TCF12: variants seen among roughly 807,000 people sequenced by gnomAD.
The protein encoded by TCF12 is DNA-binding protein HTF4.
In TCF12, 45 loss-of-function variants were observed where a neutral mutation model predicts 86.0. The observed-to-expected ratio is 0.52, with a 90% confidence interval of 0.41 to 0.67. The LOEUF (loss-of-function observed/expected upper bound fraction) is 0.67. TCF12 is among the 30% of genes least tolerant of loss of function. The probability of loss-of-function intolerance (pLI) is 0.00; values close to 1 mark genes in which losing one functional copy is unlikely to be tolerated. For missense variants in TCF12, 881 were observed against 859.9 expected, an observed-to-expected ratio of 1.02 and a Z score of -0.31; for synonymous variants, 330 against 299.6, an observed-to-expected ratio of 1.10 and a Z score of -1.05.
chr15:57,283,408 G>C (rs2061786536), intron 20 of TCF12, among the ~76,000 whole-genome samples: 1 of 151,994 alleles, frequency 6.6e-6, no homozygotes, highest in African/African-American at 2.4e-5. Context: ...GGGATTACAG[G>C]TGTGCACCAC....
intron 5 of TCF12, among the ~76,000 whole-genome samples, chr15:57,139,145 C>T (rs573133505): frequency 6.6e-6 from 1 of 151,972 alleles, no homozygotes; most frequent in South Asian, 2.1e-4. Flanking sequence ...TTTCTCTCTC[C>T]CTTCTCACCT....
chr15:57,052,274 T>C (rs2067683625), intron 3 of TCF12, among the ~76,000 whole-genome samples: 1 of 152,224 alleles, frequency 6.6e-6, no homozygotes, highest in Non-Finnish European at 1.5e-5. Context: ...TCATCAGTTG[T>C]ATCTTTTATG....
chr15:57,045,519 A>AT (rs375572875), intron 3 of TCF12, among the ~76,000 whole-genome samples: 4 of 150,994 alleles, frequency 2.6e-5, no homozygotes, highest in Non-Finnish European at 4.4e-5. Context: ...CATGTTGAGG[A>AT]TTTTTTTTTA....
Position 56,984,001 on chromosome 15 carries a change from C to CAAAAAAAAAAAAAAAAAAAAAAAAAA in TCF12, c.148+62918_148+62919insAAAAAAAAAAAAAAAAAAAAAAAAAA. 3.5e-4 allele frequency among the ~76,000 whole-genome samples: 15 copies of CAAAAAAAAAAAAAAAAAAAAAAAAAA among 43,044 alleles called. 1 individual carries two copies. The highest frequency in any genetic ancestry group is 1.2e-3 in the African/African-American group (12 of 10,358). The allele number at this position is 43,044 out of a possible 152,430, so 28.2% of individuals were successfully genotyped here. ...TAGGCAACTGAGTGAGACCCTGTCT[C>CAAAAAAAAAAAAAAAAAAAAAAAAAA]AAAAAAAAAAAAAAAGAAGAAGAAG... On this transcript the variant is annotated intron_variant, in intron 3 of 20. Transcript: ENST00000333725.
intron 4 of TCF12, among the ~76,000 whole-genome samples, chr15:57,075,834 CTTTT>C (rs2069930058): frequency 1.0e-4 from 5 of 48,898 alleles, no homozygotes; most frequent in Middle Eastern, 0.015. Context: ...CTCTCTCTCT[CTTTT>C]CTTTCTTTCT....
chr15:57,233,588 C>G (rs2059259578), intron 11 of TCF12, among the ~76,000 whole-genome samples: 1 of 152,256 alleles, frequency 6.6e-6, no homozygotes, highest in Admixed American at 6.5e-5. Flanking sequence ...GGTGATACCC[C>G]AGCTTCAGCT....
At chr15:57,164,688 G>C (rs1234666120) in intron 5 of TCF12, among the ~76,000 whole-genome samples, 1 of 151,486 alleles carries the variant, frequency 6.6e-6, no homozygotes, top group African/African-American at 2.4e-5. Flanking sequence ...TTTCTTTTTT[G>C]TTTTTTGTTT....
intron 5 of TCF12, among the ~76,000 whole-genome samples, chr15:57,134,006 C>T (rs1372940833): frequency 6.6e-6 from 1 of 152,156 alleles, no homozygotes; most frequent in African/African-American, 2.4e-5. Context: ...TATCAGAGTA[C>T]TGATGTATTT....
intron 4 of TCF12, among the ~76,000 whole-genome samples, chr15:57,070,547 T>G (rs1391996675): frequency 1.3e-5 from 2 of 152,194 alleles, no homozygotes; most frequent in East Asian, 3.8e-4. Context: ...AATCAGCCTA[T>G]AAGATTATCT....
At chr15:57,176,355 A>G (rs1381011015) in intron 6 of TCF12, among the ~76,000 whole-genome samples, 1 of 152,208 alleles carries the variant, frequency 6.6e-6, no homozygotes, top group Non-Finnish European at 1.5e-5. Context: ...ATGTGCTTCA[A>G]CTTTTATTCT....
At chr15:57,263,381 TTG>T (rs1250373661) in intron 18 of TCF12, 107 bp downstream of exon 18, 1 of 1,184,804 alleles carries the variant, frequency 8.4e-7, no homozygotes, top group Non-Finnish European at 1.2e-6. Context: ...GTTCTAGATA[TTG>T]TGTTAGGATT....
chr15:57,069,747 A>G (rs956383171), intron 4 of TCF12, among the ~76,000 whole-genome samples: 3 of 152,180 alleles, frequency 2.0e-5, no homozygotes, highest in Non-Finnish European at 4.4e-5. Context: ...AGTACTTCCC[A>G]ACTCAAAGAA....
chr15:57,007,977 C>T (rs954036606), intron 3 of TCF12, among the ~76,000 whole-genome samples: 7 of 147,778 alleles, frequency 4.7e-5, no homozygotes, highest in African/African-American at 1.5e-4. Context: ...CTCTCTCTCT[C>T]GCTCTCTCTC....
At chr15:57,013,398 C>T (rs1329027721) in intron 3 of TCF12, among the ~76,000 whole-genome samples, 4 of 152,212 alleles carry the variant, frequency 2.6e-5, no homozygotes, top group Non-Finnish European at 5.9e-5. Flanking sequence ...GCAACCTCCA[C>T]TTCCCAGGTT....
At chr15:57,215,419 C>T (rs12904501) in intron 8 of TCF12, among the ~76,000 whole-genome samples, 58,648 of 152,016 alleles carry the variant, frequency 0.39, 14,124 homozygotes, top group Non-Finnish European at 0.53. Context: ...TTACCGAGTT[C>T]ATCCTTTAGG....
intron 5 of TCF12, among the ~76,000 whole-genome samples, chr15:57,156,301 T>A (rs2054104083): frequency 6.6e-6 from 1 of 152,176 alleles, no homozygotes; most frequent in African/African-American, 2.4e-5. Flanking sequence ...TTAAAAGAAA[T>A]CATTTAATCC....
chr15:57,059,480 T>C (rs2068286651), intron 3 of TCF12, among the ~76,000 whole-genome samples: 1 of 152,098 alleles, frequency 6.6e-6, no homozygotes, highest in Non-Finnish European at 1.5e-5. Context: ...TAACTGAAAA[T>C]ATTTTCCCAT....
In TCF12 at chr15:57,229,467, T is replaced by C. The variant is rs796965765; in HGVS notation, c.580-1685T>C. ...CAGATGTGTGTTTTTACCTCTGGGA[T>C]GTGAAAGGTAGGAAACAAACCTGAA... On this transcript the variant is annotated intron_variant, in intron 8 of 20. Transcript: ENST00000333725. Among the ~76,000 whole-genome samples the C allele has an allele frequency of 1.1e-4, 17 of 150,442 alleles. 1 individual carries two copies. Among genetic ancestry groups the C allele is most frequent in the African/African-American group, 4.1e-4 (17 of 41,146 alleles).
intron 3 of TCF12, among the ~76,000 whole-genome samples, chr15:56,929,486 GT>G (rs138654744): frequency 2.7e-5 from 4 of 150,824 alleles, no homozygotes; most frequent in Non-Finnish European, 4.4e-5. Context: ...GAGAGCTTTG[GT>G]TTTTTTTTGT....
Sources: allele counts gnomAD v4.1 joint callset (sites outside exome capture counted in the v4.1 genomes callset), GRCh38; gene constraint gnomAD v4.1.1; transcripts MANE v1.5; gene names NCBI Gene and HGNC (gene_info 2026-07-23, HGNC 2026-07-21).